The following TRRAP variants were observed in gnomAD, a reference collection of about 807,000 sequenced individuals.
The protein encoded by TRRAP is transformation/transcription domain associated protein, also known as transformation/transcription domain-associated protein.
TRRAP carries 41 observed loss-of-function variants against 438.8 expected under a neutral mutation model. The observed-to-expected ratio is 0.09, with a 90% CI of 0.07 to 0.12. The LOEUF (loss-of-function observed/expected upper bound fraction) is 0.12, where lower values mean the gene tolerates loss of function less well. TRRAP is among the 10% of genes least tolerant of loss of function. TRRAP has a pLI of 1.00. For synonymous variants in TRRAP, 1,994 were observed against 1,962.9 expected (o/e 1.02, Z -0.42); for missense variants, 3,122 against 5,055.1 (o/e 0.62, Z 11.60).
At chr7:98,941,591 C>G (rs746981486) in intron 30 of TRRAP, among the ~76,000 whole-genome samples, 1 of 152,168 alleles carries the variant, frequency 6.6e-6, no homozygotes, top group Non-Finnish European at 1.5e-5. Context: ...TTGTCTACCC[C>G]TTTAATTCTG....
chr7:98,980,095 C>T (rs1167782480), intron 58 of TRRAP, among the ~76,000 whole-genome samples: 1 of 152,154 alleles, frequency 6.6e-6, no homozygotes, highest in African/African-American at 2.4e-5. Flanking sequence ...CTGCTGTAGT[C>T]TTGTTTGCCT....
At chr7:98,973,567 C>T (rs1450845408) in intron 53 of TRRAP, among the ~76,000 whole-genome samples, 1 of 152,212 alleles carries the variant, frequency 6.6e-6, no homozygotes, top group Non-Finnish European at 1.5e-5. Flanking sequence ...CTCTGGATGG[C>T]GGCTGGGCTA....
rs1294080248 is a variant in TRRAP at position 98,955,278 on chromosome 7, C to T, written c.5911C>T (p.Leu1971=). 5 of 1,613,812 alleles carry T rather than the reference C, an allele frequency of 3.1e-6. No individual in the cohort carries two copies. The East Asian group carries it at 1.1e-4, about 36-fold the overall frequency. Residue 1971 remains leucine (L), a synonymous_variant, in exon 41 of 73, where the codon CTG becomes TTG. Transcript: ENST00000456197. The stretch of plus-strand genomic sequence containing the variant: ...CACCGTCCCGCAGCTGGTCCACATT[C>T]TGCACCTGATAGTGCAACACTTCAA... The part of the protein sequence containing the change: ...GHTVPQLVHI[L]HLIVQHFKVY...
At chr7:98,963,617 T>C (rs1382984238) in intron 47 of TRRAP, among the ~76,000 whole-genome samples, 1 of 151,986 alleles carries the variant, frequency 6.6e-6, no homozygotes, top group Admixed American at 6.6e-5. Context: ...AACCACAGAG[T>C]ACACCCCATT....
chr7:98,989,578 A>C (rs1231948184), intron 63 of TRRAP, among the ~76,000 whole-genome samples: 1 of 152,200 alleles, frequency 6.6e-6, no homozygotes, highest in African/African-American at 2.4e-5. Context: ...AAAGGTTTGG[A>C]TTTTTTAGAA....
In TRRAP at chr7:98,881,077, C is replaced by A. The variant is rs1238119898; in HGVS notation, c.-61-13C>A. The A allele has an allele frequency of 1.2e-5, 16 of 1,316,990 alleles. No individual in the cohort carries two copies. In the South Asian group the frequency reaches 1.8e-4, roughly 15 times the overall value. The allele number at this position is 1,316,990 out of a possible 1,614,324, so 81.6% of individuals were successfully genotyped here. On this transcript the variant is annotated splice_polypyrimidine_tract_variant and intron_variant, in intron 1 of 72. Transcript: ENST00000456197. Reference sequence around the variant, plus strand: ...CCTCCATAAATTGACTAACTCTATGCTTCTTTTCATAGGCTGGTTGAACTC... The same window carrying A: ...CCTCCATAAATTGACTAACTCTATGATTCTTTTCATAGGCTGGTTGAACTC...
rs782028401 is a variant in TRRAP, at chr7:98,950,279, T to C, written c.5334+17T>C. 5.0e-6 allele frequency: 8 copies of C among 1,613,992 alleles called. No homozygotes were observed. The highest frequency in any genetic ancestry group is 2.7e-5 in the African/African-American group (2 of 74,928). On this transcript the variant is annotated intron_variant, in intron 38 of 72. Transcript: ENST00000456197. ...AAAGCTAAAGTGAGTCCCACTCTTATGCTGTAGAAGGGTATGGGTATTTGG... is the reference window on the plus strand; with the variant it reads ...AAAGCTAAAGTGAGTCCCACTCTTACGCTGTAGAAGGGTATGGGTATTTGG...
chr7:99,008,614 T>G (rs938163846), intron 70 of TRRAP, 53 bp downstream of exon 70: 31 of 1,591,470 alleles, frequency 1.9e-5, no homozygotes, highest in Admixed American at 1.4e-4. Flanking sequence ...CCCTCCTGTG[T>G]GGGGCAGTGC....
At chr7:98,947,222 A>C (rs547992660) in intron 33 of TRRAP, among the ~76,000 whole-genome samples, 3 of 152,312 alleles carry the variant, frequency 2.0e-5, no homozygotes, top group African/African-American at 7.2e-5. Context: ...CTGGAGCAAC[A>C]GCAGCCCACC....
intron 10 of TRRAP, 28 bp from the exon 11 acceptor site, chr7:98,900,596 G>C (rs201426691): frequency 1.9e-6 from 3 of 1,566,370 alleles, no homozygotes; most frequent in Non-Finnish European, 2.6e-6. Flanking sequence ...TAATTGAGAG[G>C]TAATATTTTT....
At chr7:98,922,899 A>G (rs1693124095) in intron 21 of TRRAP, among the ~76,000 whole-genome samples, 1 of 152,102 alleles carries the variant, frequency 6.6e-6, no homozygotes, top group African/African-American at 2.4e-5. Context: ...ACGTGTGCCC[A>G]TGTAGTGGCT....
intron 30 of TRRAP, among the ~76,000 whole-genome samples, chr7:98,942,465 A>G (rs1456039033): frequency 6.6e-6 from 1 of 152,130 alleles, no homozygotes; most frequent in African/African-American, 2.4e-5. Flanking sequence ...CTCCTTTCTC[A>G]TCCAGAGCTG....
intron 17 of TRRAP, 143 bp from the exon 18 acceptor site, chr7:98,911,879 A>G: frequency 2.8e-6 from 2 of 704,802 alleles, no homozygotes; most frequent in Non-Finnish European, 2.3e-6. Context: ...AACCCGTTTC[A>G]TTTTTTTCCT....
chr7:98,879,363 A>G (rs566678021), intron 1 of TRRAP, among the ~76,000 whole-genome samples: 2 of 152,124 alleles, frequency 1.3e-5, no homozygotes, highest in South Asian at 2.1e-4. Context: ...AGGACTAGGG[A>G]GGTTCTTAGG....
At chr7:98,914,414 A>G (rs373427423) in intron 18 of TRRAP, among the ~76,000 whole-genome samples, 2 of 152,292 alleles carry the variant, frequency 1.3e-5, no homozygotes, top group East Asian at 3.9e-4. Context: ...TTATTTTTAA[A>G]TTTAAAGATA....
chr7:98,887,431 G>A (rs782343335), intron 3 of TRRAP, among the ~76,000 whole-genome samples: 1 of 152,120 alleles, frequency 6.6e-6, no homozygotes, highest in Non-Finnish European at 1.5e-5. Context: ...GCCAAACACA[G>A]TTCTTCTGCC....
In TRRAP at chr7:98,976,917, G is replaced by A. The variant is rs373768183; in HGVS notation, c.8248-22G>A. ...AAAAGTCTCTGTCTCAAGCACTCAG[G>A]AACCTTACTTTGTGTTTTCAGGAGA... On this transcript the variant is annotated intron_variant, in intron 55 of 72. Coordinates refer to ENST00000456197, the MANE Select transcript of TRRAP (RefSeq NM_001375524.1). This position sits in a 1 kb window ranked among gnomAD's most constrained non-coding sequence, Gnocchi z 4.6. 89 of 1,613,544 alleles carry A rather than the reference G, an allele frequency of 5.5e-5. No individual in the cohort carries two copies. Among genetic ancestry groups the A allele is most frequent in the Non-Finnish European group, 7.5e-5 (89 of 1,179,898 alleles).
Position 98,970,240 on chromosome 7 carries a change from A to G in TRRAP, c.7641A>G (p.Thr2547=). ...SHDRAAFAMV[T]HVKQEPRERE... ...ACCGTGCCGCCTTCGCCATGGTCAC[A>G]CATGTCAAGCAGGAGCCCCGGGAGC... Residue 2547 remains threonine, a synonymous_variant, in exon 52 of 73, where the codon ACA becomes ACG. Coordinates refer to ENST00000456197, the MANE Select transcript of TRRAP (RefSeq NM_001375524.1). 6.2e-7 allele frequency: 1 copy of G among 1,613,636 alleles called. No individual in the cohort carries two copies. The highest frequency in any genetic ancestry group is 1.3e-5 in the African/African-American group (1 of 75,044).
rs949843554 is a variant in TRRAP at position 98,925,255 on chromosome 7, A to G, written c.2967A>G (p.Ala989=). 2 of 1,613,734 alleles carry G rather than the reference A, an allele frequency of 1.2e-6. No individual in the cohort carries two copies. Among genetic ancestry groups the G allele is most frequent in the Non-Finnish European group, 8.5e-7 (1 of 1,179,910 alleles). ...DNKHALYQLL[A]HPNFTEKTIP... ...AGCACGCACTCTACCAGCTCCTGGC[A>G]CACCCCAAGTATGTCGGCCACTTCC... The change falls in exon 22 of 73, where the codon GCA becomes GCG. Residue 989 remains alanine, a synonymous_variant. Transcript: ENST00000456197.
Sources: allele counts gnomAD v4.1 joint callset (sites outside exome capture counted in the v4.1 genomes callset), GRCh38; gene constraint gnomAD v4.1.1; non-coding constraint Gnocchi (gnomAD v3.1); transcripts MANE v1.5; gene names NCBI Gene and HGNC (gene_info 2026-07-23, HGNC 2026-07-21).